Variants in TTC7A observed in about 807,000 individuals in gnomAD.
The protein encoded by TTC7A is tetratricopeptide repeat protein 7A.
Under a neutral mutation model 103.7 loss-of-function variants are expected in TTC7A, and 110 were observed. The observed-to-expected ratio is 1.06, with a 90% CI of 0.91 to 1.24. The LOEUF (loss-of-function observed/expected upper bound fraction) is 1.24, where lower values mean the gene tolerates loss of function less well. TTC7A is among the 50% of genes most tolerant of loss of function. TTC7A has a pLI of 0.00. For synonymous variants in TTC7A, 521 were observed against 467.9 expected, an observed-to-expected ratio of 1.11 and a Z score of -1.47; for missense variants, 1,340 against 1,116.3, an observed-to-expected ratio of 1.20 and a Z score of -2.86.
At chr2:46,976,519 C>A (rs1303455056) in intron 4 of TTC7A, among the ~76,000 whole-genome samples, 1 of 152,248 alleles carries the variant, frequency 6.6e-6, no homozygotes, top group Non-Finnish European at 1.5e-5. Context: ...ACCTCGCCTT[C>A]CTTGGCAGAT....
chr2:47,056,647 G>A (rs1311834803), intron 18 of TTC7A, among the ~76,000 whole-genome samples: 1 of 152,212 alleles, frequency 6.6e-6, no homozygotes, highest in Non-Finnish European at 1.5e-5. Context: ...AATAATAAAA[G>A]GGCCTCTTGC....
At chr2:46,958,830 C>T (rs1248892506) in intron 3 of TTC7A, among the ~76,000 whole-genome samples, 2 of 152,192 alleles carry the variant, frequency 1.3e-5, no homozygotes, top group African/African-American at 2.4e-5. Flanking sequence ...GTAGAGGCCA[C>T]ACCCTTCGGG....
intron 15 of TTC7A, among the ~76,000 whole-genome samples, chr2:47,037,717 G>A (rs953917725): frequency 1.3e-5 from 2 of 152,182 alleles, no homozygotes; most frequent in African/African-American, 4.8e-5. Context: ...AATCCTCTCA[G>A]CGCCCTAAGA....
At chr2:46,975,881 C>T (rs537750741) in intron 4 of TTC7A, among the ~76,000 whole-genome samples, 3 of 152,148 alleles carry the variant, frequency 2.0e-5, no homozygotes, top group South Asian at 4.2e-4. Flanking sequence ...GGACTACAGG[C>T]GCCTGCCACC....
chr2:47,003,121 G>A (rs1003560458), intron 8 of TTC7A, among the ~76,000 whole-genome samples: 16 of 152,168 alleles, frequency 1.1e-4, no homozygotes, highest in African/African-American at 3.9e-4. Context: ...AAAGGTCAAG[G>A]TCTAGGGTGG....
chr2:47,024,290 T>G lies in TTC7A; in HGVS notation c.1572T>G (p.Ala524=). 6.2e-7 allele frequency: 1 copy of G among 1,604,860 alleles called. No homozygotes were observed. Among genetic ancestry groups the G allele is most frequent in the South Asian group, 1.1e-5 (1 of 89,824 alleles). The change falls in exon 14 of 20, where the codon GCT becomes GCG. Residue 524 remains alanine (A), a synonymous_variant. Transcript: ENST00000319190. ...HRKALQTLER[A]QQLAPSDPQV... ...GTCACTCCCTCTCCCCACACAGGGC[T>G]CAGCAGCTGGCGCCCAGTGACCCCC...
chr2:46,935,662 A>T (rs1350264123), intron 2 of TTC7A, among the ~76,000 whole-genome samples: 1 of 152,192 alleles, frequency 6.6e-6, no homozygotes, highest in African/African-American at 2.4e-5. Context: ...GACCTCCTCA[A>T]CACTGCAGTC....
chr2:47,005,970 C>T lies in TTC7A; in HGVS notation c.1114C>T (p.Arg372Trp), dbSNP rs1172298100. Reference protein sequence around the residue: ...LSRVPEQEEDRTVSLQNAAAI... With the variant: ...LSRVPEQEEDWTVSLQNAAAI... ...CCGGGTGCCGGAGCAGGAGGAGGAC[C>T]GGACAGTGAGCTTGCAGAATGCCGC... Residue 372 changes from arginine (R) to tryptophan (W), a missense_variant, in exon 9 of 20, where the codon CGG (arginine) becomes TGG (tryptophan). Physicochemically the swap from Arg to Trp is moderately radical, Grantham distance 101. Coordinates refer to ENST00000319190, the MANE Select transcript of TTC7A (RefSeq NM_020458.4). 38 of 1,613,940 alleles carry T rather than the reference C, an allele frequency of 2.4e-5. No individual in the cohort carries two copies. The Admixed American group carries it at 5.0e-4, about 21-fold the overall frequency.
rs568488476 is a variant in TTC7A, at chr2:46,995,348, C to G, written c.1065+149C>G. The G allele has an allele frequency of 1.0e-5, 8 of 776,706 alleles. No homozygotes were observed. The East Asian group carries it at 2.2e-4, about 21-fold the overall frequency. 48.1% of individuals were successfully genotyped at this position (776,706 alleles called of 1,614,324 possible). A position where few individuals can be genotyped will look rare whatever the true frequency, so the allele number is the denominator to read the frequency against. ...TAGATGCTTCTTGGCCCTGGGCCCCCATACAGCAAGTCTTGCTCATTAGGT... is the reference window on the plus strand; with the variant it reads ...TAGATGCTTCTTGGCCCTGGGCCCCGATACAGCAAGTCTTGCTCATTAGGT... On this transcript the variant is annotated intron_variant, in intron 8 of 19. Coordinates refer to ENST00000319190, the MANE Select transcript of TTC7A (RefSeq NM_020458.4).
chr2:47,056,122 G>T (rs182840145), intron 18 of TTC7A, among the ~76,000 whole-genome samples: 4 of 152,198 alleles, frequency 2.6e-5, no homozygotes, highest in African/African-American at 9.6e-5. Flanking sequence ...ACCAACCTGA[G>T]AACTCCCTGG....
intron 15 of TTC7A, 51 bp downstream of exon 15, chr2:47,029,435 A>G (rs1000097960): frequency 2.5e-6 from 4 of 1,603,090 alleles, no homozygotes; most frequent in Admixed American, 1.7e-5. Flanking sequence ...TGGCCTCTGC[A>G]GCAGGCGCCC....
chr2:46,991,116 A>G (rs1185998215), intron 5 of TTC7A, among the ~76,000 whole-genome samples: 2 of 151,930 alleles, frequency 1.3e-5, no homozygotes, highest in African/African-American at 4.8e-5. Context: ...GGATTTTACC[A>G]TGTTGGCCAG....
At chr2:46,922,734 G>A (rs144501742) in intron 2 of TTC7A, among the ~76,000 whole-genome samples, 33 of 152,180 alleles carry the variant, frequency 2.2e-4, no homozygotes, top group African/African-American at 5.8e-4. Flanking sequence ...AAAATGTGGG[G>A]AGGGGCGGGG....
At chr2:46,958,783 C>G (rs959658632) in intron 3 of TTC7A, among the ~76,000 whole-genome samples, 3 of 152,192 alleles carry the variant, frequency 2.0e-5, no homozygotes, top group Admixed American at 2.0e-4. Context: ...GTTGATCTGC[C>G]TGGGTTTGGG....
At chr2:46,959,850 C>G (rs1029942468) in intron 3 of TTC7A, among the ~76,000 whole-genome samples, 5 of 152,186 alleles carry the variant, frequency 3.3e-5, no homozygotes, top group Non-Finnish European at 2.9e-5. Context: ...GCAGACACAT[C>G]ACATGCGTAT....
At chr2:46,994,582 T>G in intron 7 of TTC7A, 68 bp downstream of exon 7, 1 of 1,528,644 alleles carries the variant, frequency 6.5e-7, no homozygotes, top group East Asian at 2.3e-5. Context: ...TCCCCACTGG[T>G]GGCTTCCTCT....
At chr2:46,966,792 T>A (rs1034794081) in intron 3 of TTC7A, among the ~76,000 whole-genome samples, 1 of 15,746 alleles carries the variant, frequency 6.4e-5, no homozygotes, top group Non-Finnish European at 1.8e-4. Context: ...ACCCCCAGCT[T>A]TTTTTTTTTT....
intron 3 of TTC7A, among the ~76,000 whole-genome samples, chr2:46,968,039 G>C (rs1189429490): frequency 6.6e-6 from 1 of 152,148 alleles, no homozygotes. Flanking sequence ...GATGTTTTCT[G>C]TTTTCTACCT....
chr2:47,056,338 G>T (rs559583789), intron 18 of TTC7A, among the ~76,000 whole-genome samples: 2 of 152,332 alleles, frequency 1.3e-5, no homozygotes, highest in South Asian at 2.1e-4. Flanking sequence ...CTTTTGGGGG[G>T]ACTAACCTAT....
Sources: gnomAD v4.1 joint callset for allele counts (sites outside exome capture counted in the v4.1 genomes callset) on GRCh38, gnomAD v4.1.1 for gene constraint, MANE v1.5 for transcripts, NCBI Gene and HGNC (gene_info 2026-07-23, HGNC 2026-07-21) for gene names.